TMTC4: variants seen among roughly 807,000 people sequenced by gnomAD.
The protein encoded by TMTC4 is transmembrane O-mannosyltransferase targeting cadherins 4, also known as protein O-mannosyl-transferase TMTC4.
A neutral mutation model predicts 86.0 loss-of-function variants in TMTC4; 65 were observed. The observed-to-expected ratio is 0.76, with a 90% CI of 0.62 to 0.93. The LOEUF (loss-of-function observed/expected upper bound fraction) is 0.93. Ranked by LOEUF, TMTC4 falls within the 40% of genes least tolerant of loss-of-function variation. TMTC4 has a pLI of 0.00. For missense variants in TMTC4, 866 were observed against 948.1 expected (o/e 0.91, Z 1.14); for synonymous variants, 379 against 382.5 (o/e 0.99, Z 0.11).
At chr13:100,673,814 C>A (rs1198270726) in intron 1 of TMTC4, among the ~76,000 whole-genome samples, 2 of 152,170 alleles carry the variant, frequency 1.3e-5, no homozygotes, top group African/African-American at 4.8e-5. Context: ...GATTTTACCC[C>A]ACTCCATCTG....
chr13:100,635,163 A>G lies in TMTC4; in HGVS notation c.1235T>C (p.Ile412Thr), dbSNP rs770537815. The G allele has an allele frequency of 6.8e-6, 11 of 1,611,360 alleles. No individual in the cohort carries two copies. Among genetic ancestry groups the G allele is most frequent in the Non-Finnish European group, 1.7e-6 (2 of 1,178,906 alleles). Residue 412 changes from isoleucine to threonine, a missense_variant, in exon 11 of 19, where the codon ATC (isoleucine) becomes ACC (threonine). By Grantham distance (89) the Ile-to-Thr change is moderately conservative (BLOSUM62 -1). Coordinates refer to ENST00000342624, the MANE Select transcript of TMTC4 (RefSeq NM_032813.5). ...CAGGTTACTCGCGGGGAGAAATGGG[A>G]TAACGAGAAATCCCAGGCCCAGAGT... ...ILTLGLGFLV[I>T]PFLPASNLFF... is the part of the protein sequence containing the mutation.
At chr13:100,609,671 GTA>G (rs386363865) in intron 17 of TMTC4, among the ~76,000 whole-genome samples, 90 of 148,190 alleles carry the variant, frequency 6.1e-4, no homozygotes, top group East Asian at 4.9e-3. Context: ...CTCACTAAAT[GTA>G]TATATATACA....
At chr13:100,663,332 A>C in intron 4 of TMTC4, 152 bp from the exon 5 acceptor site, 4 of 712,886 alleles carry the variant, frequency 5.6e-6, no homozygotes, top group Non-Finnish European at 2.4e-6. Context: ...AAGATAAATA[A>C]TGCCTGTCGA....
At chr13:100,637,435 T>C in intron 9 of TMTC4, 103 bp downstream of exon 9, 1 of 1,438,238 alleles carries the variant, frequency 7.0e-7, no homozygotes, top group South Asian at 1.4e-5. Flanking sequence ...GTATTGGGGA[T>C]TTTGTTGGCG....
At chr13:100,664,366 C>A in intron 3 of TMTC4, 30 bp from the exon 4 acceptor site, 1 of 1,549,026 alleles carries the variant, frequency 6.5e-7, no homozygotes, top group Non-Finnish European at 8.8e-7. Flanking sequence ...ATGTTCTGGA[C>A]AAGGGTCTCC....
intron 7 of TMTC4, among the ~76,000 whole-genome samples, chr13:100,640,642 G>T (rs1288792017): frequency 1.3e-5 from 2 of 151,984 alleles, no homozygotes; most frequent in African/African-American, 4.8e-5. Flanking sequence ...AACACAGGGA[G>T]ACCCCATCTC....
intron 6 of TMTC4, among the ~76,000 whole-genome samples, chr13:100,651,281 CT>C (rs1159195946): frequency 6.6e-6 from 1 of 152,068 alleles, no homozygotes; most frequent in Non-Finnish European, 1.5e-5. Context: ...AAATACCAGG[CT>C]TTAAGAGAGA....
chr13:100,654,069 G>A (rs1169305405), intron 6 of TMTC4, among the ~76,000 whole-genome samples: 3 of 152,194 alleles, frequency 2.0e-5, no homozygotes, highest in Non-Finnish European at 4.4e-5. Context: ...CAGATCCCAC[G>A]AAGACGGGGC....
intron 6 of TMTC4, among the ~76,000 whole-genome samples, chr13:100,643,791 C>T (rs1053992076): frequency 5.3e-5 from 8 of 152,150 alleles, no homozygotes; most frequent in Admixed American, 2.0e-4. Context: ...GTCAGCCAAA[C>T]CTGGTCAGCT....
Position 100,609,680 on chromosome 13 carries a change from T to TATAC in TMTC4, c.2064+2717_2064+2718insGTAT, listed in dbSNP as rs775184123. On this transcript the variant is annotated intron_variant, in intron 17 of 18. Coordinates refer to ENST00000342624, the MANE Select transcript of TMTC4 (RefSeq NM_032813.5). ...TGAATGCTCACTAAATGTATATATA[T>TATAC]ACACACACACACACACACACACCCA... 8.3e-3 allele frequency among the ~76,000 whole-genome samples: 1,257 copies of TATAC among 150,824 alleles called. 11 individuals are homozygous for TATAC. Among genetic ancestry groups the TATAC allele is most frequent in the Admixed American group, 0.016 (246 of 15,130 alleles).
At chr13:100,620,452 G>T (rs150693386) in intron 15 of TMTC4, among the ~76,000 whole-genome samples, 26 of 152,260 alleles carry the variant, frequency 1.7e-4, no homozygotes, top group African/African-American at 5.5e-4. Flanking sequence ...TTAAATCTTG[G>T]TAGTGCCTCC....
rs1004804039 is a variant in TMTC4 at position 100,650,883 on chromosome 13, T to TA, written c.640+5497dup. Among the ~76,000 whole-genome samples, 82 of 152,342 alleles carry TA rather than the reference T, an allele frequency of 5.4e-4. 1 individual carries two copies. Among genetic ancestry groups the TA allele is most frequent in the Admixed American group, 1.3e-3 (20 of 15,298 alleles). ...TAAGTCAAAGAAAAACAGGTGTCTT[T>TA]AATCAGAATGAAAATATGAGGCAAT... On this transcript the variant is annotated intron_variant, in intron 6 of 18. Transcript: ENST00000342624.
intron 6 of TMTC4, among the ~76,000 whole-genome samples, chr13:100,644,748 C>T (rs563225536): frequency 2.6e-5 from 4 of 152,164 alleles, no homozygotes; most frequent in Non-Finnish European, 4.4e-5. Flanking sequence ...TAAAGCTTTT[C>T]ACAAGGCCAG....
rs763719475 is a variant in TMTC4 at position 100,637,652 on chromosome 13, G to A, written c.885C>T (p.Leu295=). 2.5e-6 allele frequency: 4 copies of A among 1,614,076 alleles called. No individual in the cohort carries two copies. Among genetic ancestry groups the A allele is most frequent in the Admixed American group, 1.7e-5 (1 of 60,000 alleles). Residue 295 remains leucine, a synonymous_variant, in exon 9 of 19, where the codon CTC becomes CTT. Transcript: ENST00000342624. ...AGAGCATCCCAGCCCCTCCAGAGGT[G>A]AGCAGGGTCATTCTGAAGAGGAGGC... ...NGGLLFRMTL[L]TSGGAGMLYV... is the part of the protein sequence containing the mutation.
At chr13:100,674,243 G>C (rs1317623373) in intron 1 of TMTC4, 1 of 980,516 alleles carries the variant, frequency 1.0e-6, no homozygotes, top group Non-Finnish European at 1.2e-6. Flanking sequence ...AGGCGCTCGC[G>C]GCGCGGCGGG....
At chr13:100,625,379 A>C (rs1030889270) in intron 15 of TMTC4, 156 bp downstream of exon 15, 54 of 1,072,946 alleles carry the variant, frequency 5.0e-5, no homozygotes, top group Non-Finnish European at 6.5e-5. Context: ...AAAATTACTC[A>C]AAAGGAAATC....
intron 6 of TMTC4, among the ~76,000 whole-genome samples, chr13:100,642,865 C>T (rs959104470): frequency 6.6e-6 from 1 of 152,202 alleles, no homozygotes; most frequent in African/African-American, 2.4e-5. Context: ...CCAAAGGATA[C>T]ACAGCTACTG....
At chr13:100,619,104 C>T (rs1437142014) in intron 15 of TMTC4, among the ~76,000 whole-genome samples, 4 of 149,562 alleles carry the variant, frequency 2.7e-5, no homozygotes, top group African/African-American at 2.5e-5. Context: ...GACGGGGCGG[C>T]TGGCCGGACG....
rs148396944 is a variant in TMTC4, at chr13:100,665,514, T to C, written c.220-1178A>G. Among the ~76,000 whole-genome samples the C allele has an allele frequency of 6.7e-3, 1,027 of 152,314 alleles. 3 individuals carry two copies. Among genetic ancestry groups the C allele is most frequent in the Non-Finnish European group, 0.011 (715 of 68,010 alleles). ...GTGGCAGGAGCAAAACCACAAATCA[T>C]GCGCCGGGCACCTGGCAGAGACTGC... On this transcript the variant is annotated intron_variant, in intron 3 of 18. Coordinates refer to ENST00000342624, the MANE Select transcript of TMTC4 (RefSeq NM_032813.5).
Sources: allele counts gnomAD v4.1 joint callset (sites outside exome capture counted in the v4.1 genomes callset), GRCh38; gene constraint gnomAD v4.1.1; transcripts MANE v1.5; gene names NCBI Gene and HGNC (gene_info 2026-07-23, HGNC 2026-07-21).